Variants in DIS3L2 observed in about 807,000 individuals in gnomAD.
The protein encoded by DIS3L2 is DIS3-like exonuclease 2.
Under a neutral mutation model 97.5 loss-of-function variants are expected in DIS3L2, and 34 were observed. The ratio of observed to expected loss-of-function variants is 0.35; its 90% CI spans 0.27 to 0.46. The LOEUF is 0.46. DIS3L2 is among the 20% of genes least tolerant of loss of function. DIS3L2 has a pLI of 1.00. For synonymous variants in DIS3L2, 435 were observed against 445.2 expected (o/e 0.98, Z 0.29); for missense variants, 1,038 against 1,146.0 (o/e 0.91, Z 1.36).
chr2:231,973,887 A>G (rs1692997356), intron 1 of DIS3L2, among the ~76,000 whole-genome samples: 1 of 152,138 alleles, frequency 6.6e-6, no homozygotes, highest in African/African-American at 2.4e-5. Flanking sequence ...AACTATAACA[A>G]CAACCACAAT....
intron 5 of DIS3L2, among the ~76,000 whole-genome samples, chr2:232,055,243 G>A (rs1366271678): frequency 6.6e-6 from 1 of 152,054 alleles, no homozygotes; most frequent in Non-Finnish European, 1.5e-5. Flanking sequence ...TAGTTAATGC[G>A]ATAAAGCAAG....
chr2:232,272,420 G>A (rs899981744), intron 13 of DIS3L2, among the ~76,000 whole-genome samples: 7 of 152,168 alleles, frequency 4.6e-5, no homozygotes, highest in African/African-American at 9.7e-5. Flanking sequence ...TGACAGAATC[G>A]CAAACCCGAT....
At chr2:232,030,938 T>G (rs1375362483) in intron 5 of DIS3L2, among the ~76,000 whole-genome samples, 1 of 152,206 alleles carries the variant, frequency 6.6e-6, no homozygotes, top group Admixed American at 6.5e-5. Context: ...AAGAATTTGG[T>G]GTCTTCTTCA....
chr2:232,301,576 T>C (rs1694856190), intron 14 of DIS3L2, among the ~76,000 whole-genome samples: 1 of 152,186 alleles, frequency 6.6e-6, no homozygotes, highest in Non-Finnish European at 1.5e-5. Context: ...CAAGACATGA[T>C]GACTGTTTGT....
intron 9 of DIS3L2, among the ~76,000 whole-genome samples, chr2:232,167,930 T>C (rs994853612): frequency 1.3e-5 from 2 of 152,026 alleles, no homozygotes; most frequent in Non-Finnish European, 2.9e-5. Context: ...CCACCTGTAA[T>C]CCCAGCTGCT....
intron 5 of DIS3L2, among the ~76,000 whole-genome samples, chr2:232,058,320 C>G (rs2106272173): frequency 6.6e-6 from 1 of 152,268 alleles, no homozygotes; most frequent in South Asian, 2.1e-4. Flanking sequence ...TTCTTGACGG[C>G]TCTAATTCTG....
chr2:232,330,693 A>C lies in DIS3L2; in HGVS notation c.1927A>C (p.Ser643Arg). 1.2e-6 allele frequency: 2 copies of C among 1,614,020 alleles called. No homozygotes were observed. The highest frequency in any genetic ancestry group is 1.7e-6 in the Non-Finnish European group (2 of 1,180,020). The change falls in exon 16 of 21, where the codon AGC (serine) becomes CGC (arginine). Residue 643 changes from serine to arginine, a missense_variant. By Grantham distance (110) the Ser-to-Arg change is moderately radical (BLOSUM62 -1). This residue lies in a region of DIS3L2 where 813 missense variants were observed against 880.1 expected (regional missense o/e 0.92). Transcript: ENST00000325385. ...GGTTTCTGGGATTTGCTTCTAGAAAAGCCTGACCCAAACATTTGGAGATGA... is the reference window on the plus strand; with the variant it reads ...GGTTTCTGGGATTTGCTTCTAGAAACGCCTGACCCAAACATTTGGAGATGA... Reference protein sequence around the residue: ...DFSSAGALNKSLTQTFGDDKY... With the variant: ...DFSSAGALNKRLTQTFGDDKY...
chr2:232,184,536 A>C (rs1181510341), intron 9 of DIS3L2, among the ~76,000 whole-genome samples: 1 of 152,058 alleles, frequency 6.6e-6, no homozygotes, highest in African/African-American at 2.4e-5. Flanking sequence ...CTGTAGTCCC[A>C]CTACTAGGGA....
intron 11 of DIS3L2, among the ~76,000 whole-genome samples, chr2:232,243,519 G>A (rs1276576474): frequency 6.6e-6 from 1 of 152,048 alleles, no homozygotes; most frequent in Admixed American, 6.6e-5. Flanking sequence ...ATCCTCTTGA[G>A]GCTCTGAATA....
chr2:231,983,252 A>G lies in DIS3L2; in HGVS notation c.-94+21487A>G, dbSNP rs537201672. Among the ~76,000 whole-genome samples, 426 of 152,312 alleles carry G rather than the reference A, an allele frequency of 2.8e-3. 1 individual carries two copies. Among genetic ancestry groups the G allele is most frequent in the Non-Finnish European group, 2.5e-3 (168 of 68,014 alleles). The stretch of plus-strand genomic sequence containing the variant: ...TATCACAAACTGAATGGCTTATAAC[A>G]ATAGAAATTTATTATCTCACAGCTA... On this transcript the variant is annotated intron_variant, in intron 1 of 20. Coordinates refer to ENST00000325385, the MANE Select transcript of DIS3L2 (RefSeq NM_152383.5).
At chr2:232,048,084 T>C (rs1183275374) in intron 5 of DIS3L2, among the ~76,000 whole-genome samples, 2 of 152,140 alleles carry the variant, frequency 1.3e-5, no homozygotes, top group African/African-American at 4.8e-5. Flanking sequence ...TGTCTAGGAG[T>C]GAAGTTATTG....
At chr2:232,072,689 A>G (rs1056920494) in intron 5 of DIS3L2, among the ~76,000 whole-genome samples, 3 of 152,138 alleles carry the variant, frequency 2.0e-5, no homozygotes, top group Admixed American at 2.0e-4. Context: ...TTACATGGCT[A>G]TTGCTTACTT....
intron 1 of DIS3L2, among the ~76,000 whole-genome samples, chr2:231,981,989 G>A (rs1054095860): frequency 1.1e-4 from 17 of 151,018 alleles, no homozygotes; most frequent in African/African-American, 3.2e-4. Context: ...CTGAGATTGT[G>A]CCACTGCACT....
chr2:232,193,164 C>T (rs553696850), intron 9 of DIS3L2, among the ~76,000 whole-genome samples: 4 of 152,168 alleles, frequency 2.6e-5, no homozygotes, highest in South Asian at 2.1e-4. Flanking sequence ...CAGATTATTC[C>T]GTTTTGACTT....
intron 11 of DIS3L2, among the ~76,000 whole-genome samples, chr2:232,244,610 A>T (rs142607215): frequency 6.5e-4 from 99 of 152,312 alleles, no homozygotes; most frequent in African/African-American, 2.2e-3. Flanking sequence ...ATGGCAGGAG[A>T]CGAGGGCACA....
chr2:231,994,565 C>T lies in DIS3L2; in HGVS notation c.-93-20270C>T, dbSNP rs141983325. ...TTACCACGATTTAGGCCCCTTTACCCTCCCTGCTTTATAGTTACATACATT... is the reference window on the plus strand; with the variant it reads ...TTACCACGATTTAGGCCCCTTTACCTTCCCTGCTTTATAGTTACATACATT... On this transcript the variant is annotated intron_variant, in intron 1 of 20. Coordinates refer to ENST00000325385, the MANE Select transcript of DIS3L2 (RefSeq NM_152383.5). Among the ~76,000 whole-genome samples the T allele has an allele frequency of 2.0e-3, 311 of 152,182 alleles. 2 individuals carry two copies. Among genetic ancestry groups the T allele is most frequent in the African/African-American group, 7.1e-3 (295 of 41,542 alleles).
intron 1 of DIS3L2, among the ~76,000 whole-genome samples, chr2:231,988,103 A>G (rs1464606518): frequency 6.6e-6 from 1 of 152,264 alleles, no homozygotes; most frequent in East Asian, 1.9e-4. Context: ...TCGGCTTCCC[A>G]AAGTGCTGGG....
At chr2:232,206,818 G>C (rs1006310384) in intron 9 of DIS3L2, among the ~76,000 whole-genome samples, 2 of 152,104 alleles carry the variant, frequency 1.3e-5, no homozygotes, top group African/African-American at 4.8e-5. Context: ...GGCTAGTCTA[G>C]GATTTTTCTT....
intron 6 of DIS3L2, among the ~76,000 whole-genome samples, chr2:232,089,783 A>G (rs560839430): frequency 6.6e-6 from 1 of 152,288 alleles, no homozygotes; most frequent in African/African-American, 2.4e-5. Flanking sequence ...GTACAAATAT[A>G]AGGACAAGGA....
Sources: allele counts gnomAD v4.1 joint callset (sites outside exome capture counted in the v4.1 genomes callset), GRCh38; gene constraint gnomAD v4.1.1; regional missense constraint gnomAD v4.1.1; transcripts MANE v1.5; gene names NCBI Gene and HGNC (gene_info 2026-07-23, HGNC 2026-07-21).